SGSM2: variants seen among roughly 807,000 people sequenced by gnomAD.
The protein encoded by SGSM2 is small G protein signaling modulator 2.
SGSM2 carries 89 observed loss-of-function variants against 126.6 expected under a neutral mutation model. The observed-to-expected ratio is 0.70, with a 90% confidence interval of 0.59 to 0.84. SGSM2 has a LOEUF of 0.84. Among genes scored for constraint, SGSM2 ranks in the 40% least tolerant of loss-of-function variants. The probability of loss-of-function intolerance (pLI) is 0.00; values close to 1 mark genes in which losing one functional copy is unlikely to be tolerated. For missense variants in SGSM2, 1,404 were observed against 1,416.6 expected, an observed-to-expected ratio of 0.99 and a Z score of 0.14; for synonymous variants, 614 against 574.3, an observed-to-expected ratio of 1.07 and a Z score of -0.99.
At position 2,373,087 on chromosome 17, in the gene SGSM2, G is replaced by C; in HGVS notation, c.1917+6G>C. 1 of 1,602,858 alleles carries C rather than the reference G, an allele frequency of 6.2e-7. No individual in the cohort carries two copies. Among genetic ancestry groups the C allele is most frequent in the Non-Finnish European group, 8.5e-7 (1 of 1,176,214 alleles). On this transcript the variant is annotated splice_donor_region_variant and intron_variant, in intron 16 of 23. Coordinates refer to ENST00000268989, the MANE Select transcript of SGSM2 (RefSeq NM_014853.3). ...GCAAGAAGGAGATGGAGCAGGTGAG[G>C]GGAGCCTGTTCCCATGGGGCTGATG...
rs771704863 is a variant in SGSM2 at position 2,362,144 on chromosome 17, G to A, written c.332G>A (p.Arg111Lys). Reference protein sequence around the residue: ...PSGVSQEALRRQGSASGKAPA... With the variant: ...PSGVSQEALRKQGSASGKAPA... ...GGGGTCAGCCAGGAGGCCCTGCGGA[G>A]ACAGGGCTCAGCCAGCGGGAAGGCC... Residue 111 changes from arginine (R) to lysine (K), a missense_variant, in exon 4 of 24, where the codon AGA becomes AAA. By Grantham distance (26) the Arg-to-Lys change is conservative (BLOSUM62 2). Transcript: ENST00000268989. This position sits in a 1 kb window ranked among gnomAD's most constrained non-coding sequence, Gnocchi z 4.9. 6.2e-7 allele frequency: 1 copy of A among 1,613,752 alleles called. No homozygotes were observed. Among genetic ancestry groups the A allele is most frequent in the South Asian group, 1.1e-5 (1 of 91,088 alleles).
intron 2 of SGSM2, among the ~76,000 whole-genome samples, chr17:2,352,191 T>C (rs544114003): frequency 1.0e-3 from 156 of 152,306 alleles, no homozygotes; most frequent in African/African-American, 3.6e-3. Context: ...CTCCCACCCA[T>C]TCCTTTATCT....
At position 2,380,386 on chromosome 17, in the gene SGSM2, A is replaced by G; in HGVS notation, c.*866A>G. 3.0e-6 allele frequency: 4 copies of G among 1,318,002 alleles called. No homozygotes were observed. Among genetic ancestry groups the G allele is most frequent in the Middle Eastern group, 3.6e-4 (2 of 5,520 alleles). The allele number at this position is 1,318,002 out of a possible 1,614,324, so 81.6% of individuals were successfully genotyped here. A position where few individuals can be genotyped will look rare whatever the true frequency, so the allele number is the denominator to read the frequency against. ...CTCTGTCGGGGAAGAATCCGGTCAC[A>G]GCCTCCCCTCAGAGACAGGCCTCAG... On this transcript the variant is annotated 3_prime_UTR_variant, in exon 24 of 24. Coordinates refer to ENST00000268989, the MANE Select transcript of SGSM2 (RefSeq NM_014853.3).
chr17:2,337,875 A>G lies in SGSM2; in HGVS notation c.57+130A>G, dbSNP rs2151449372. 1 of 489,078 alleles carries G rather than the reference A, an allele frequency of 2.0e-6. No individual in the cohort carries two copies. The highest frequency in any genetic ancestry group is 4.4e-5 in the East Asian group (1 of 22,706). 30.3% of individuals were successfully genotyped at this position (489,078 alleles called of 1,614,324 possible). On this transcript the variant is annotated intron_variant, in intron 1 of 23. Transcript: ENST00000268989. This position sits in a 1 kb window ranked among gnomAD's most constrained non-coding sequence, Gnocchi z 5.1. ...CTGGGCCGGGCGGGGCGGGTCCTGG[A>G]CGGGCTGCGCCTCCTTCCCCTTTCT...
chr17:2,347,700 C>T (rs1052324279), intron 2 of SGSM2, among the ~76,000 whole-genome samples: 2 of 151,208 alleles, frequency 1.3e-5, no homozygotes, highest in African/African-American at 2.4e-5. Context: ...GTCTCAAACT[C>T]GTGGGCTCCA....
At position 2,362,654 on chromosome 17, in the gene SGSM2, C is replaced by T. The variant is rs1200738737; in HGVS notation, c.459-184C>T. ...GTAGGCAACCCTCCATCTCCCCGTC[C>T]CCTTCGGTGCCCTCAAGGCATTGGC... On this transcript the variant is annotated intron_variant, in intron 4 of 23. Coordinates refer to ENST00000268989, the MANE Select transcript of SGSM2 (RefSeq NM_014853.3). The surrounding 1 kb of genome is among the most constrained non-coding windows in gnomAD (Gnocchi z 4.9). Among the ~76,000 whole-genome samples the T allele has an allele frequency of 6.6e-5, 10 of 152,250 alleles. No homozygotes were observed. The highest frequency in any genetic ancestry group is 6.5e-4 in the Admixed American group (10 of 15,286).
At chr17:2,360,572 G>A (rs55919739) in intron 2 of SGSM2, among the ~76,000 whole-genome samples, 19,855 of 152,154 alleles carry the variant, frequency 0.13, 2,124 homozygotes, top group African/African-American at 0.28. Flanking sequence ...GCCAGACCCC[G>A]CATGGGTGAT....
At chr17:2,366,368 C>T (rs1055191101) in intron 11 of SGSM2, among the ~76,000 whole-genome samples, 1 of 152,180 alleles carries the variant, frequency 6.6e-6, no homozygotes. Context: ...CAGATAAGGT[C>T]GGGGAATTTG....
intron 2 of SGSM2, among the ~76,000 whole-genome samples, chr17:2,352,415 A>G (rs2064895091): frequency 6.6e-6 from 1 of 152,226 alleles, no homozygotes; most frequent in South Asian, 2.1e-4. Context: ...CCTGTCGTGC[A>G]GATGGCAGCT....
intron 2 of SGSM2, among the ~76,000 whole-genome samples, chr17:2,351,546 C>T (rs149549813): frequency 9.2e-4 from 140 of 152,198 alleles, no homozygotes; most frequent in African/African-American, 3.1e-3. Flanking sequence ...CCTGGGTAGC[C>T]GCCATGAGCA....
At position 2,376,973 on chromosome 17, in the gene SGSM2, A is replaced by C; in HGVS notation, c.2707A>C (p.Ser903Arg). ...VTLDNDQLAY[S>R]CFSHLMKRMS... ...TCTCCCCTCAGATCAGCTGGCCTACAGCTGCTTCAGCCACCTCATGAAGAG... is the reference window on the plus strand; with the variant it reads ...TCTCCCCTCAGATCAGCTGGCCTACCGCTGCTTCAGCCACCTCATGAAGAG... Residue 903 changes from serine to arginine, a missense_variant, in exon 21 of 24, where the codon AGC (serine) becomes CGC (arginine). Physicochemically the swap from Ser to Arg is moderately radical, Grantham distance 110. Coordinates refer to ENST00000268989, the MANE Select transcript of SGSM2 (RefSeq NM_014853.3). The C allele has an allele frequency of 6.2e-7, 1 of 1,613,564 alleles. No homozygotes were observed. Among genetic ancestry groups the C allele is most frequent in the Non-Finnish European group, 8.5e-7 (1 of 1,179,728 alleles).
chr17:2,352,116 C>T (rs985525761), intron 2 of SGSM2, among the ~76,000 whole-genome samples: 1 of 152,172 alleles, frequency 6.6e-6, no homozygotes, highest in Non-Finnish European at 1.5e-5. Flanking sequence ...CTCCTTCCAC[C>T]GGCAGTTGGA....
chr17:2,340,003 A>C (rs2064276569), intron 1 of SGSM2, among the ~76,000 whole-genome samples: 1 of 152,252 alleles, frequency 6.6e-6, no homozygotes. Flanking sequence ...CTAGTGACAG[A>C]GACTTGAACA....
Position 2,372,163 on chromosome 17 carries a change from C to A in SGSM2, c.1578-27C>A. ...TCCCACCAGAGGGGCCGCAGCCCCT[C>A]CCTGCTGAGCCCGGTTGTTGCCACA... On this transcript the variant is annotated intron_variant, in intron 13 of 23. Coordinates refer to ENST00000268989, the MANE Select transcript of SGSM2 (RefSeq NM_014853.3). The surrounding 1 kb of genome is among the most constrained non-coding windows in gnomAD (Gnocchi z 6.0). 1 of 1,612,826 alleles carries A rather than the reference C, an allele frequency of 6.2e-7. No individual in the cohort carries two copies. The highest frequency in any genetic ancestry group is 8.5e-7 in the Non-Finnish European group (1 of 1,179,578).
At chr17:2,342,880 G>T (rs1246601291) in intron 1 of SGSM2, among the ~76,000 whole-genome samples, 6 of 152,100 alleles carry the variant, frequency 3.9e-5, no homozygotes, top group Non-Finnish European at 5.9e-5. Flanking sequence ...GGGAGGCTGA[G>T]GCAGGAGAAT....
chr17:2,345,595 C>CAAA (rs1228278801), intron 2 of SGSM2, among the ~76,000 whole-genome samples: 6 of 84,126 alleles, frequency 7.1e-5, no homozygotes, highest in Non-Finnish European at 9.5e-5. Context: ...GACTCTGTCT[C>CAAA]AAAAAAAAAA....
At chr17:2,357,967 G>T (rs2065149673) in intron 2 of SGSM2, among the ~76,000 whole-genome samples, 1 of 152,228 alleles carries the variant, frequency 6.6e-6, no homozygotes, top group African/African-American at 2.4e-5. Flanking sequence ...CGTAGCTGGT[G>T]CTGGGACCCA....
In SGSM2 at chr17:2,379,106, C is replaced by T. The variant is rs757712512; in HGVS notation, c.2970C>T (p.His990=). 3.1e-6 allele frequency: 5 copies of T among 1,614,242 alleles called. No homozygotes were observed. In the South Asian group the frequency reaches 4.4e-5, roughly 14 times the overall value. The change falls in exon 23 of 24, where the codon CAC becomes CAT. Residue 990 remains histidine, a synonymous_variant. Transcript: ENST00000268989. Reference sequence around the variant, plus strand: ...CAGCCAGGCACATCTCATCGGAGCACTTTGTCCTGTTCATCGCCCTCGCCC... The same window carrying T: ...CAGCCAGGCACATCTCATCGGAGCATTTTGTCCTGTTCATCGCCCTCGCCC... The part of the protein sequence containing the change: ...IWAARHISSE[H]FVLFIALALV...
chr17:2,343,294 C>T (rs1210978572), intron 1 of SGSM2, among the ~76,000 whole-genome samples: 1 of 152,154 alleles, frequency 6.6e-6, no homozygotes, highest in Non-Finnish European at 1.5e-5. Context: ...AGGGCACTTC[C>T]ACCTGGGCTG....
Sources: gnomAD v4.1 joint callset for allele counts (sites outside exome capture counted in the v4.1 genomes callset) on GRCh38, gnomAD v4.1.1 for gene constraint, Gnocchi (gnomAD v3.1) non-coding constraint, MANE v1.5 for transcripts, NCBI Gene and HGNC (gene_info 2026-07-23, HGNC 2026-07-21) for gene names.